Variants in KCNAB2 observed in about 807,000 individuals in gnomAD.
KCNAB2 encodes the protein potassium voltage-gated channel subfamily A regulatory beta subunit 2, also known as voltage-gated potassium channel subunit beta-2.
In KCNAB2, 29 loss-of-function variants were observed where a neutral mutation model predicts 63.6. The ratio of observed to expected loss-of-function variants is 0.46; its 90% confidence interval spans 0.34 to 0.62. KCNAB2 has a LOEUF of 0.62. KCNAB2 is among the 20% of genes least tolerant of loss of function. The pLI is 0.01. For synonymous variants in KCNAB2, 222 were observed against 224.2 expected (o/e 0.99, Z 0.09); for missense variants, 359 against 563.9 (o/e 0.64, Z 3.68).
At chr1:6,057,004 G>A (rs971923572) in intron 2 of KCNAB2, among the ~76,000 whole-genome samples, 1 of 151,810 alleles carries the variant, frequency 6.6e-6, no homozygotes, top group Non-Finnish European at 1.5e-5. Context: ...AGCTTTGTCT[G>A]TCCCTGGCAC....
intron 1 of KCNAB2, among the ~76,000 whole-genome samples, chr1:6,021,579 G>A (rs1557937570): frequency 6.7e-6 from 1 of 149,470 alleles, no homozygotes; most frequent in East Asian, 2.0e-4. Flanking sequence ...TGGTATTGAG[G>A]GTAAAGTGCA....
chr1:6,085,234 G>A lies in KCNAB2; in HGVS notation c.411G>A (p.Lys137=), dbSNP rs765115783. Residue 137 remains lysine, a synonymous_variant, in exon 6 of 16, where the codon AAG becomes AAA. Coordinates refer to ENST00000378083, the MANE Select transcript of KCNAB2 (RefSeq NM_001199862.2). ...AAGTGGTACTGGGAAACATCATTAA[G>A]AAGAAAGGATGGAGGTAACGGCCCT... The part of the protein sequence containing the change: ...KAEVVLGNII[K]KKGWRRSSLV... 1 of 1,614,120 alleles carries A rather than the reference G, an allele frequency of 6.2e-7. No individual in the cohort carries two copies. Among genetic ancestry groups the A allele is most frequent in the Non-Finnish European group, 8.5e-7 (1 of 1,179,940 alleles).
At chr1:5,997,949 T>C (rs114225869) in intron 1 of KCNAB2, among the ~76,000 whole-genome samples, 2,382 of 152,322 alleles carry the variant, frequency 0.016, 51 homozygotes, top group African/African-American at 0.051. Flanking sequence ...CCTCTAGGGC[T>C]GAGACCCAGG....
chr1:6,020,872 C>A (rs1190015503), intron 1 of KCNAB2, among the ~76,000 whole-genome samples: 1 of 152,152 alleles, frequency 6.6e-6, no homozygotes, highest in African/African-American at 2.4e-5. Context: ...GTTGGCCAGG[C>A]TGGTCTCGAA....
At chr1:6,021,534 G>C (rs1033123042) in intron 1 of KCNAB2, among the ~76,000 whole-genome samples, 1 of 152,254 alleles carries the variant, frequency 6.6e-6, no homozygotes. Flanking sequence ...GTGGTATTAA[G>C]TGTACAGTTC....
At chr1:6,077,652 A>G (rs1052423493) in intron 4 of KCNAB2, among the ~76,000 whole-genome samples, 5 of 152,156 alleles carry the variant, frequency 3.3e-5, no homozygotes, top group African/African-American at 1.2e-4. Flanking sequence ...CGTGCTCCGG[A>G]GCGGAGAGCG....
intron 5 of KCNAB2, among the ~76,000 whole-genome samples, chr1:6,084,743 G>A (rs1664538028): frequency 6.6e-6 from 1 of 151,530 alleles, no homozygotes; most frequent in African/African-American, 2.4e-5. Flanking sequence ...TTGAACCCAG[G>A]AGGCAGAGGT....
In KCNAB2 at chr1:6,074,926, C is replaced by T. The variant is rs1663537085; in HGVS notation, c.300+1156C>T. On this transcript the variant is annotated intron_variant, in intron 4 of 15. Transcript: ENST00000378083. The surrounding 1 kb of genome is among the most constrained non-coding windows in gnomAD (Gnocchi z 4.9). The stretch of plus-strand genomic sequence containing the variant: ...CCGAGATCATATCACTGCACTCCAG[C>T]CTAGGCCGTAGAGTAAGACTCTGTC... Among the ~76,000 whole-genome samples the T allele has an allele frequency of 6.6e-6, 1 of 151,142 alleles. No individual in the cohort carries two copies. The highest frequency in any genetic ancestry group is 2.4e-5 in the African/African-American group (1 of 40,886).
chr1:6,084,685 A>G (rs565515806), intron 5 of KCNAB2, among the ~76,000 whole-genome samples: 69 of 151,992 alleles, frequency 4.5e-4, no homozygotes, highest in Admixed American at 9.8e-4. Flanking sequence ...GCGTGGTGGC[A>G]GGTGCCTGTA....
At chr1:6,047,515 G>T (rs954153523) in intron 1 of KCNAB2, among the ~76,000 whole-genome samples, 4 of 152,148 alleles carry the variant, frequency 2.6e-5, no homozygotes, top group Admixed American at 6.5e-5. Context: ...TGGCATGGGA[G>T]TCCCCCCCAC....
Position 6,096,875 on chromosome 1 carries a change from C to G in KCNAB2, c.1069+119C>G. ...TCTCCGGGGAGAGAGGGAAGGGATC[C>G]CTGGACATCATCCCCCAGCCAGCCT... On this transcript the variant is annotated intron_variant, in intron 14 of 15. Transcript: ENST00000378083. The surrounding 1 kb of genome is among the most constrained non-coding windows in gnomAD (Gnocchi z 5.9). 2 of 1,295,014 alleles carry G rather than the reference C, an allele frequency of 1.5e-6. No homozygotes were observed. Among genetic ancestry groups the G allele is most frequent in the Non-Finnish European group, 1.0e-6 (1 of 969,306 alleles). The allele number at this position is 1,295,014 out of a possible 1,614,324, so 80.2% of individuals were successfully genotyped here.
intron 1 of KCNAB2, among the ~76,000 whole-genome samples, chr1:6,000,244 CAGG>C (rs1359962196): frequency 1.3e-5 from 2 of 152,156 alleles, no homozygotes; most frequent in African/African-American, 4.8e-5. Flanking sequence ...TCACCCAGAC[CAGG>C]AGGTATTCAG....
chr1:6,047,308 G>C (rs1036916548), intron 1 of KCNAB2, among the ~76,000 whole-genome samples: 3 of 152,320 alleles, frequency 2.0e-5, no homozygotes, highest in South Asian at 4.1e-4. Context: ...AGGACCTGAC[G>C]CTGCTAGAGT....
At chr1:6,061,026 G>A (rs1192808656) in intron 2 of KCNAB2, among the ~76,000 whole-genome samples, 1 of 152,218 alleles carries the variant, frequency 6.6e-6, no homozygotes, top group Non-Finnish European at 1.5e-5. Flanking sequence ...GCCATTGTAG[G>A]GGAGGAGCTG....
chr1:6,052,332 G>A (rs998010937), intron 2 of KCNAB2, among the ~76,000 whole-genome samples: 4 of 151,974 alleles, frequency 2.6e-5, no homozygotes, highest in South Asian at 2.1e-4. Flanking sequence ...GGCTGAGGTG[G>A]GAGGATTACC....
rs529145402 is a variant in KCNAB2 at position 6,007,277 on chromosome 1, A to G, written c.-53+14489A>G. Among the ~76,000 whole-genome samples the G allele has an allele frequency of 2.6e-5, 4 of 152,348 alleles. 1 individual carries two copies. The South Asian group carries it at 8.3e-4, about 32-fold the overall frequency. The stretch of plus-strand genomic sequence containing the variant: ...GGGGACCCCAGCCACACCCAGGGAC[A>G]GGGCCAAGTGGCCAAGAGACCACTT... On this transcript the variant is annotated intron_variant, in intron 1 of 16. Transcript: ENST00000341524.
chr1:6,019,230 T>G (rs1466810598), intron 1 of KCNAB2, among the ~76,000 whole-genome samples: 3 of 152,100 alleles, frequency 2.0e-5, no homozygotes, highest in Non-Finnish European at 2.9e-5. Flanking sequence ...AGTTCAAGGC[T>G]GCAGTGAGCT....
rs1445181550 is a variant in KCNAB2, at chr1:6,073,400, G to A, written c.263-333G>A. Among the ~76,000 whole-genome samples the A allele has an allele frequency of 6.6e-6, 1 of 152,196 alleles. No individual in the cohort carries two copies. The highest frequency in any genetic ancestry group is 1.9e-4 in the East Asian group (1 of 5,182). On this transcript the variant is annotated intron_variant, in intron 3 of 15. Transcript: ENST00000378083. The surrounding 1 kb of genome is among the most constrained non-coding windows in gnomAD (Gnocchi z 5.7). ...GTCAGACCTGGTGTGTTTTCAGAGAGGCATCCCTTGTGCCATTTCTTGCGG... is the reference window on the plus strand; with the variant it reads ...GTCAGACCTGGTGTGTTTTCAGAGAAGCATCCCTTGTGCCATTTCTTGCGG...
Position 6,051,860 on chromosome 1 carries a change from T to C in KCNAB2, c.218+106T>C, listed in dbSNP as rs1183214491. 3 of 1,306,812 alleles carry C rather than the reference T, an allele frequency of 2.3e-6. No individual in the cohort carries two copies. The East Asian group carries it at 7.8e-5, about 34-fold the overall frequency. The allele number at this position is 1,306,812 out of a possible 1,614,324, so 81.0% of individuals were successfully genotyped here. On this transcript the variant is annotated intron_variant, in intron 2 of 15. Transcript: ENST00000378083. Reference sequence around the variant, plus strand: ...GGTTCACACCTGTAATCCCAGCACTTGGGGAGGCAGAGGCGGGTGGATCAC... The same window carrying C: ...GGTTCACACCTGTAATCCCAGCACTCGGGGAGGCAGAGGCGGGTGGATCAC...
Sources: allele counts gnomAD v4.1 joint callset (sites outside exome capture counted in the v4.1 genomes callset), GRCh38; gene constraint gnomAD v4.1.1; non-coding constraint Gnocchi (gnomAD v3.1); transcripts MANE v1.5; gene names NCBI Gene and HGNC (gene_info 2026-07-23, HGNC 2026-07-21).